FAM227A: variants seen among roughly 807,000 people sequenced by gnomAD.
FAM227A encodes the protein family with sequence similarity 227 member A, also known as protein FAM227A.
A neutral mutation model predicts 74.7 loss-of-function variants in FAM227A; 80 were observed. The observed-to-expected ratio is 1.07, with a 90% CI of 0.89 to 1.29. The LOEUF (loss-of-function observed/expected upper bound fraction) is 1.29, where lower values mean the gene tolerates loss of function less well. FAM227A is among the 50% of genes most tolerant of loss of function. FAM227A has a pLI of 0.00. For missense variants in FAM227A, 654 were observed against 683.4 expected (o/e 0.96, Z 0.48); for synonymous variants, 237 against 241.8 (o/e 0.98, Z 0.19).
intron 11 of FAM227A, among the ~76,000 whole-genome samples, chr22:38,613,020 A>G (rs1406757600): frequency 7.7e-6 from 1 of 129,188 alleles, no homozygotes; most frequent in Admixed American, 1.0e-4. Flanking sequence ...GCACTACAAA[A>G]ATTCTACAAA....
At chr22:38,644,171 T>C (rs1181518075) in intron 3 of FAM227A, among the ~76,000 whole-genome samples, 3 of 130,006 alleles carry the variant, frequency 2.3e-5, no homozygotes, top group Non-Finnish European at 3.3e-5. Flanking sequence ...AAAAAAAAGA[T>C]GTGGAGGAAA....
At chr22:38,652,079 G>C (rs2092331188) in intron 1 of FAM227A, among the ~76,000 whole-genome samples, 2 of 151,858 alleles carry the variant, frequency 1.3e-5, no homozygotes, top group African/African-American at 4.8e-5. Context: ...CCAGCTACTA[G>C]GGAGGCTGAG....
chr22:38,612,419 C>A (rs62228954), intron 11 of FAM227A, among the ~76,000 whole-genome samples: 2,775 of 152,170 alleles, frequency 0.018, 55 homozygotes, highest in East Asian at 0.11. Context: ...CGCCTCAGGG[C>A]CTTTGCACAT....
At chr22:38,605,743 T>C (rs1344714045) in intron 12 of FAM227A, among the ~76,000 whole-genome samples, 2 of 152,200 alleles carry the variant, frequency 1.3e-5, no homozygotes, top group East Asian at 3.8e-4. Context: ...ATGTAAGCTC[T>C]GGGGGACTTG....
In FAM227A at chr22:38,582,751, GTA is replaced by G; in HGVS notation, c.*3372_*3373del. ...CCTTCTTGCTGTATGGGGGCTAATA[GTA>G]GCGGTGGATAGGTAGACAGGCAATT... On this transcript the variant is annotated 3_prime_UTR_variant, in exon 17 of 17. Transcript: ENST00000535113. 1 of 1,395,142 alleles carries G rather than the reference GTA, an allele frequency of 7.2e-7. No homozygotes were observed. The highest frequency in any genetic ancestry group is 9.9e-7 in the Non-Finnish European group (1 of 1,013,336). The allele number at this position is 1,395,142 out of a possible 1,614,324, so 86.4% of individuals were successfully genotyped here.
intron 6 of FAM227A, among the ~76,000 whole-genome samples, chr22:38,636,032 G>C: frequency 7.1e-6 from 1 of 140,910 alleles, no homozygotes; most frequent in East Asian, 2.0e-4. Flanking sequence ...AAAGAAGAGA[G>C]AAAGAGAAAG....
intron 5 of FAM227A, among the ~76,000 whole-genome samples, chr22:38,637,813 T>C (rs2092035781): frequency 6.6e-6 from 1 of 152,220 alleles, no homozygotes; most frequent in South Asian, 2.1e-4. Flanking sequence ...AAGAACAACA[T>C]ACTGTTTCAG....
intron 3 of FAM227A, among the ~76,000 whole-genome samples, chr22:38,642,243 C>T (rs1014735841): frequency 6.6e-6 from 1 of 152,304 alleles, no homozygotes; most frequent in South Asian, 2.1e-4. Flanking sequence ...AGAATGCCAA[C>T]TGGCAGGAGA....
At chr22:38,621,800 T>C (rs2091696836) in intron 10 of FAM227A, among the ~76,000 whole-genome samples, 1 of 152,196 alleles carries the variant, frequency 6.6e-6, no homozygotes, top group Non-Finnish European at 1.5e-5. Flanking sequence ...TTTGGAGAGA[T>C]GCTGATGCTG....
chr22:38,626,290 A>G lies in FAM227A; in HGVS notation c.740T>C (p.Leu247Pro), dbSNP rs1206475582. Residue 247 changes from leucine to proline, a missense_variant, in exon 9 of 17, where the codon CTT becomes CCT. Transcript: ENST00000535113. The stretch of plus-strand genomic sequence containing the variant: ...GCTGGTGTACACGGCTTTGCTGAGA[A>G]GTGATGGCAGCCTCTGCGGAGCAAG... ...EEALLKRLPS[L>P]LSKAVYTSFC... The G allele has an allele frequency of 1.3e-6, 2 of 1,551,456 alleles. No individual in the cohort carries two copies. Among genetic ancestry groups the G allele is most frequent in the Admixed American group, 2.0e-5 (1 of 50,982 alleles).
At chr22:38,636,124 AAG>A (rs898575822) in intron 6 of FAM227A, among the ~76,000 whole-genome samples, 61 of 123,828 alleles carry the variant, frequency 4.9e-4, no homozygotes, top group African/African-American at 2.0e-3. Flanking sequence ...GAAAAGAAAA[AAG>A]AGAGATTAAG....
At chr22:38,654,720 G>T (rs2092366437) in intron 1 of FAM227A, among the ~76,000 whole-genome samples, 1 of 147,642 alleles carries the variant, frequency 6.8e-6, no homozygotes, top group African/African-American at 2.5e-5. Flanking sequence ...CATGAGGTCA[G>T]GAGATCGAGA....
chr22:38,582,663 T>C lies in FAM227A; in HGVS notation c.*3462A>G. 1.3e-6 allele frequency: 1 copy of C among 788,880 alleles called. No individual in the cohort carries two copies. The highest frequency in any genetic ancestry group is 2.0e-6 in the Non-Finnish European group (1 of 503,644). The allele number at this position is 788,880 out of a possible 1,614,324, so 48.9% of individuals were successfully genotyped here. A position where few individuals can be genotyped will look rare whatever the true frequency, so the allele number is the denominator to read the frequency against. ...GGTCCATGCAGGGATGATCTTGGAC[T>C]GTGCAACAAATGGTCCTGACAGACA... On this transcript the variant is annotated 3_prime_UTR_variant, in exon 17 of 17. Transcript: ENST00000535113.
chr22:38,605,354 A>G lies in FAM227A; in HGVS notation c.1127-6T>C, dbSNP rs1210216044. The G allele has an allele frequency of 6.6e-7, 1 of 1,514,882 alleles. No individual in the cohort carries two copies. Among genetic ancestry groups the G allele is most frequent in the South Asian group, 1.2e-5 (1 of 83,210 alleles). 93.8% of individuals were successfully genotyped at this position (1,514,882 alleles called of 1,614,324 possible). A position where few individuals can be genotyped will look rare whatever the true frequency, so the allele number is the denominator to read the frequency against. ...CAGGGTCTGACAATGATGCTCTGTC[A>G]ATGTGACATTAGCAAGAAAATGACC... On this transcript the variant is annotated splice_region_variant and splice_polypyrimidine_tract_variant and intron_variant, in intron 12 of 16. Coordinates refer to ENST00000535113, the MANE Select transcript of FAM227A (RefSeq NM_001013647.2).
chr22:38,650,187 T>C lies in FAM227A; in HGVS notation c.-19A>G, dbSNP rs764456645. 7.1e-6 allele frequency: 11 copies of C among 1,550,384 alleles called. No homozygotes were observed. Among genetic ancestry groups the C allele is most frequent in the South Asian group, 1.2e-5 (1 of 83,818 alleles). On this transcript the variant is annotated 5_prime_UTR_variant, in exon 2 of 17. Transcript: ENST00000535113. ...GATTCATTGTCCAATTTCTTGTAAA[T>C]GGACAAACAAAAAGCTTCCACTTTT...
At chr22:38,641,898 G>A (rs1021323015) in intron 3 of FAM227A, among the ~76,000 whole-genome samples, 1 of 152,084 alleles carries the variant, frequency 6.6e-6, no homozygotes, top group South Asian at 2.1e-4. Context: ...GTGGGAGCCT[G>A]CTACACAACA....
At chr22:38,620,487 T>A in intron 10 of FAM227A, among the ~76,000 whole-genome samples, 196 bp from the exon 11 acceptor site, 1 of 151,970 alleles carries the variant, frequency 6.6e-6, no homozygotes, top group Non-Finnish European at 1.5e-5. Context: ...CCCTCTAGGG[T>A]GAATGCACCA....
chr22:38,597,500 A>C, intron 14 of FAM227A, 144 bp from the exon 15 acceptor site: 1 of 806,596 alleles, frequency 1.2e-6, no homozygotes. Flanking sequence ...AAGATACCTG[A>C]AATCTGAGCA....
At chr22:38,586,220 C>T in intron 16 of FAM227A, 21 bp from the exon 17 acceptor site, 1 of 1,545,748 alleles carries the variant, frequency 6.5e-7, no homozygotes. Context: ...AACAAACGAA[C>T]AAAAACAAAA....
Sources: allele counts gnomAD v4.1 joint callset (sites outside exome capture counted in the v4.1 genomes callset), GRCh38; gene constraint gnomAD v4.1.1; transcripts MANE v1.5; gene names NCBI Gene and HGNC (gene_info 2026-07-23, HGNC 2026-07-21).